FAM120B: variants seen among roughly 807,000 people sequenced by gnomAD.
FAM120B encodes family with sequence similarity 120 member B, also known as constitutive coactivator of peroxisome proliferator-activated receptor gamma.
FAM120B carries 83 observed loss-of-function variants against 96.3 expected under a neutral mutation model. The ratio of observed to expected loss-of-function variants is 0.86; its 90% CI spans 0.72 to 1.03. The LOEUF is 1.03. Ranked by LOEUF, FAM120B falls within the 50% of genes least tolerant of loss-of-function variation. FAM120B has a pLI of 0.00. For missense variants in FAM120B, 1,027 were observed against 1,121.2 expected, an observed-to-expected ratio of 0.92 and a Z score of 1.20; for synonymous variants, 407 against 402.7, an observed-to-expected ratio of 1.01 and a Z score of -0.13.
rs1215672760 is a variant in FAM120B at position 170,406,063 on chromosome 6, G to A, written c.*1312G>A. 6.6e-6 allele frequency: 1 copy of A among 152,214 alleles called. No individual in the cohort carries two copies. The highest frequency in any genetic ancestry group is 2.4e-5 in the African/African-American group (1 of 41,436). The allele number at this position is 152,214 out of a possible 1,614,324, so 9.4% of individuals were successfully genotyped here. Reference sequence around the variant, plus strand: ...AATCCTTTTCATGGAAGAATCTTCAGGTCACCAAAGAATTGAAATTTTAAG... The same window carrying A: ...AATCCTTTTCATGGAAGAATCTTCAAGTCACCAAAGAATTGAAATTTTAAG... On this transcript the variant is annotated 3_prime_UTR_variant, in exon 11 of 11. Coordinates refer to ENST00000476287, the MANE Select transcript of FAM120B (RefSeq NM_032448.3).
chr6:170,290,877 T>C (rs1358844869), upstream of FAM120B: 1 of 679,794 alleles, frequency 1.5e-6, no homozygotes, highest in Non-Finnish European at 2.7e-6. This position sits in a 1 kb window ranked among gnomAD's most constrained non-coding sequence, Gnocchi z 4.7. Flanking sequence ...CGGGTTCCCC[T>C]GCGCTCTGCC....
intron 4 of FAM120B, among the ~76,000 whole-genome samples, chr6:170,344,138 C>G (rs13206708): frequency 3.3e-4 from 36 of 110,470 alleles, no homozygotes; most frequent in East Asian, 3.2e-3. Flanking sequence ...GCCTCTCACT[C>G]GTTCCTGAGC....
At chr6:170,334,340 C>T (rs975131980) in intron 4 of FAM120B, among the ~76,000 whole-genome samples, 6 of 152,132 alleles carry the variant, frequency 3.9e-5, no homozygotes, top group African/African-American at 7.2e-5. Flanking sequence ...TTTTACAAAA[C>T]GAAATGAGGG....
chr6:170,396,795 T>C (rs1778195228), intron 9 of FAM120B, among the ~76,000 whole-genome samples: 2 of 152,262 alleles, frequency 1.3e-5, no homozygotes, highest in Non-Finnish European at 2.9e-5. Flanking sequence ...TTGAGATTGC[T>C]TTTAACTTAG....
upstream of FAM120B, among the ~76,000 whole-genome samples, chr6:170,306,196 G>A (rs1033351141): frequency 6.6e-6 from 1 of 152,226 alleles, no homozygotes; most frequent in African/African-American, 2.4e-5. Flanking sequence ...GCTGACTGGG[G>A]CCGCGCCGTC....
chr6:170,324,044 A>G (rs953366420), intron 3 of FAM120B, among the ~76,000 whole-genome samples: 3 of 152,202 alleles, frequency 2.0e-5, no homozygotes, highest in African/African-American at 4.8e-5. Flanking sequence ...TCTACACACT[A>G]TTACCAGGAT....
intron 6 of FAM120B, among the ~76,000 whole-genome samples, chr6:170,365,793 G>A (rs1334552685): frequency 6.6e-6 from 1 of 151,574 alleles, no homozygotes; most frequent in African/African-American, 2.4e-5. Context: ...GCTGCCTGGA[G>A]CAGGGCTCTG....
At position 170,318,902 on chromosome 6, in the gene FAM120B, C is replaced by G. The variant is rs1785111482; in HGVS notation, c.1512C>G (p.Ser504=). ...RQEIMCTGHE[S]KQEVPICTDP... is the part of the protein sequence containing the mutation. Reference sequence around the variant, plus strand: ...AAATTATGTGTACAGGCCATGAATCCAAACAGGAAGTTCCCATATGTACAG... The same window carrying G: ...AAATTATGTGTACAGGCCATGAATCGAAACAGGAAGTTCCCATATGTACAG... Residue 504 remains serine, a synonymous_variant, in exon 2 of 11, where the codon TCC becomes TCG. Transcript: ENST00000476287. The G allele has an allele frequency of 6.2e-7, 1 of 1,614,202 alleles. No homozygotes were observed. Among genetic ancestry groups the G allele is most frequent in the East Asian group, 2.2e-5 (1 of 44,880 alleles).
intron 6 of FAM120B, among the ~76,000 whole-genome samples, chr6:170,381,158 G>A (rs1789877281): frequency 6.6e-6 from 1 of 152,186 alleles, no homozygotes; most frequent in Non-Finnish European, 1.5e-5. Flanking sequence ...TGATGTGTTT[G>A]CCTGTCAAGA....
upstream of FAM120B, among the ~76,000 whole-genome samples, chr6:170,306,207 C>A (rs566904564): frequency 6.6e-6 from 1 of 152,274 alleles, no homozygotes; most frequent in South Asian, 2.1e-4. Flanking sequence ...CCGCGCCGTC[C>A]CGATACGGAG....
At chr6:170,394,376 C>T (rs552795219) in intron 8 of FAM120B, among the ~76,000 whole-genome samples, 212 of 152,376 alleles carry the variant, frequency 1.4e-3, no homozygotes, top group African/African-American at 4.9e-3. Context: ...GTATCTGGGC[C>T]CCAGACAAGG....
chr6:170,380,169 A>G (rs1223283244), intron 6 of FAM120B, among the ~76,000 whole-genome samples: 2 of 152,102 alleles, frequency 1.3e-5, no homozygotes, highest in African/African-American at 2.4e-5. Context: ...TTGTTACAAC[A>G]TGACAGGATT....
At chr6:170,399,449 G>A (rs987326930) in intron 9 of FAM120B, among the ~76,000 whole-genome samples, 5 of 147,454 alleles carry the variant, frequency 3.4e-5, no homozygotes, top group East Asian at 2.5e-4. Flanking sequence ...GAGTGGGGAA[G>A]GTAGAACTAT....
chr6:170,403,113 G>A (rs1043753318), intron 9 of FAM120B, among the ~76,000 whole-genome samples: 3 of 152,222 alleles, frequency 2.0e-5, no homozygotes, highest in Non-Finnish European at 4.4e-5. Context: ...ACAGAAGCAA[G>A]GATGCTATAT....
At chr6:170,361,221 TATATATATATATATAC>T (rs1236093107) in intron 6 of FAM120B, among the ~76,000 whole-genome samples, 1 of 96,824 alleles carries the variant, frequency 1.0e-5, no homozygotes, top group Non-Finnish European at 2.1e-5. Context: ...TATATATATA[TATATATATATATATAC>T]ACGTATATAT....
At chr6:170,394,131 G>A (rs1583310897) in intron 8 of FAM120B, among the ~76,000 whole-genome samples, 1 of 152,190 alleles carries the variant, frequency 6.6e-6, no homozygotes, top group South Asian at 2.1e-4. Flanking sequence ...AGAGACAAGG[G>A]CAGCAGTCAC....
At chr6:170,389,547 A>G (rs1233055774) in intron 7 of FAM120B, among the ~76,000 whole-genome samples, 2 of 151,766 alleles carry the variant, frequency 1.3e-5, no homozygotes, top group African/African-American at 4.8e-5. Context: ...ACACGCACAC[A>G]TATATGTAAT....
intron 7 of FAM120B, among the ~76,000 whole-genome samples, chr6:170,390,464 A>C (rs910039780): frequency 1.3e-5 from 2 of 151,828 alleles, no homozygotes; most frequent in African/African-American, 4.8e-5. Context: ...AAGTGATTAT[A>C]CGTTCTAGTT....
chr6:170,393,148 C>CAA (rs66472378), intron 8 of FAM120B, among the ~76,000 whole-genome samples: 65,740 of 119,450 alleles, frequency 0.55, 18,882 homozygotes, highest in Non-Finnish European at 0.62. Context: ...CCTGTCTTTA[C>CAA]AAAAAAAAAA....
Sources: allele counts gnomAD v4.1 joint callset (sites outside exome capture counted in the v4.1 genomes callset), GRCh38; gene constraint gnomAD v4.1.1; non-coding constraint Gnocchi (gnomAD v3.1); transcripts MANE v1.5; gene names NCBI Gene and HGNC (gene_info 2026-07-23, HGNC 2026-07-21).